The following WSCD2 variants were observed in gnomAD, a reference collection of about 807,000 sequenced individuals.
The protein encoded by WSCD2 is sialate:O-sulfotransferase 2.
WSCD2 carries 28 observed loss-of-function variants against 55.7 expected under a neutral mutation model. The ratio of observed to expected loss-of-function variants is 0.50; its 90% CI spans 0.37 to 0.69. The LOEUF is 0.69. WSCD2 is among the 30% of genes least tolerant of loss of function. The pLI, the probability that WSCD2 is intolerant of heterozygous loss-of-function variation, is 0.00. For synonymous variants in WSCD2, 301 were observed against 301.9 expected (o/e 1.00, Z 0.03); for missense variants, 616 against 762.1 (o/e 0.81, Z 2.26).
intron 1 of WSCD2, among the ~76,000 whole-genome samples, chr12:108,185,463 C>G (rs1304154347): frequency 6.6e-6 from 1 of 152,158 alleles, no homozygotes; most frequent in Non-Finnish European, 1.5e-5. Flanking sequence ...CAGATCTCAG[C>G]TCAAATGCCT....
chr12:108,220,436 G>T (rs1046076844), intron 4 of WSCD2, among the ~76,000 whole-genome samples: 1 of 152,210 alleles, frequency 6.6e-6, no homozygotes, highest in African/African-American at 2.4e-5. Flanking sequence ...CAGGGTGAAT[G>T]GGAGAGTTCA....
intron 1 of WSCD2, among the ~76,000 whole-genome samples, chr12:108,165,661 G>A (rs1314963391): frequency 6.6e-6 from 1 of 152,178 alleles, no homozygotes; most frequent in Non-Finnish European, 1.5e-5. Context: ...TTGAGTGTGA[G>A]GTGGAGACAT....
intron 1 of WSCD2, among the ~76,000 whole-genome samples, chr12:108,179,218 C>T (rs1485849002): frequency 6.7e-6 from 1 of 149,960 alleles, no homozygotes; most frequent in Non-Finnish European, 1.5e-5. Flanking sequence ...TGCACGTTTT[C>T]AGGCTCCACG....
intron 1 of WSCD2, among the ~76,000 whole-genome samples, chr12:108,137,243 C>G (rs904029704): frequency 2.0e-5 from 3 of 152,224 alleles, no homozygotes; most frequent in African/African-American, 4.8e-5. Context: ...TCACATAGCT[C>G]TTAGGTGTAT....
At chr12:108,158,537 A>G (rs1878752735) in intron 1 of WSCD2, among the ~76,000 whole-genome samples, 1 of 152,106 alleles carries the variant, frequency 6.6e-6, no homozygotes, top group African/African-American at 2.4e-5. Context: ...CCTAGATGCA[A>G]GGCCCAAAAC....
At chr12:108,247,772 G>A (rs1478493351) in intron 8 of WSCD2, among the ~76,000 whole-genome samples, 2 of 152,186 alleles carry the variant, frequency 1.3e-5, no homozygotes, top group Non-Finnish European at 2.9e-5. Context: ...GCCCAGGCTG[G>A]TCTTTAACTC....
At chr12:108,212,676 TATA>T (rs1416457404) in intron 4 of WSCD2, among the ~76,000 whole-genome samples, 1 of 151,966 alleles carries the variant, frequency 6.6e-6, no homozygotes. Context: ...CCTTGTATTA[TATA>T]ATAACACTTT....
At chr12:108,206,493 T>G (rs1885391910) in intron 3 of WSCD2, 90 bp downstream of exon 3, 2 of 1,309,664 alleles carry the variant, frequency 1.5e-6, no homozygotes, top group Non-Finnish European at 2.2e-6. Context: ...TATGGGAGGG[T>G]GTGTTGAAGG....
intron 1 of WSCD2, among the ~76,000 whole-genome samples, chr12:108,165,983 G>A (rs1220568386): frequency 6.6e-6 from 1 of 152,158 alleles, no homozygotes; most frequent in Non-Finnish European, 1.5e-5. Flanking sequence ...ACCAAACTGA[G>A]ATTTTTTATT....
intron 1 of WSCD2, among the ~76,000 whole-genome samples, chr12:108,192,369 A>T (rs1173277580): frequency 6.6e-6 from 1 of 152,206 alleles, no homozygotes; most frequent in Admixed American, 6.5e-5. Flanking sequence ...TGGAAGAGGC[A>T]GGATTTGAAC....
At chr12:108,179,933 C>A (rs938784555) in intron 1 of WSCD2, among the ~76,000 whole-genome samples, 22 of 151,480 alleles carry the variant, frequency 1.5e-4, no homozygotes, top group African/African-American at 5.3e-4. Flanking sequence ...ATCCCAGCTA[C>A]TTGGGAGGCT....
chr12:108,147,985 A>G (rs1877579711), intron 1 of WSCD2, among the ~76,000 whole-genome samples: 2 of 152,142 alleles, frequency 1.3e-5, no homozygotes, highest in Admixed American at 1.3e-4. Flanking sequence ...CTCTTCTACC[A>G]CAGCTCTGTC....
intron 2 of WSCD2, 80 bp from the exon 3 acceptor site, chr12:108,206,209 G>A: frequency 8.6e-7 from 1 of 1,161,742 alleles, no homozygotes; most frequent in Non-Finnish European, 1.3e-6. Flanking sequence ...CACATAACCA[G>A]AGACACATTG....
At chr12:108,229,484 C>T (rs558442724) in intron 6 of WSCD2, among the ~76,000 whole-genome samples, 2 of 152,268 alleles carry the variant, frequency 1.3e-5, no homozygotes, top group East Asian at 3.9e-4. Flanking sequence ...CCTAGCTTCT[C>T]AAAATACATT....
chr12:108,244,971 A>T (rs1329156580), intron 8 of WSCD2, among the ~76,000 whole-genome samples: 1 of 152,090 alleles, frequency 6.6e-6, no homozygotes, highest in Non-Finnish European at 1.5e-5. Context: ...TATGTACCAC[A>T]TTTTCTTTAT....
chr12:108,212,885 C>T (rs973737613), intron 4 of WSCD2, among the ~76,000 whole-genome samples: 1 of 152,268 alleles, frequency 6.6e-6, no homozygotes, highest in South Asian at 2.1e-4. Flanking sequence ...AGTCCATCAC[C>T]GTTGTTCCGA....
At chr12:108,134,413 C>A (rs189744640) in intron 1 of WSCD2, among the ~76,000 whole-genome samples, 1 of 152,168 alleles carries the variant, frequency 6.6e-6, no homozygotes, top group South Asian at 2.1e-4. Context: ...CCTTAGGGAA[C>A]CTTGTGTGTT....
At chr12:108,141,373 C>T (rs191654955) in intron 1 of WSCD2, among the ~76,000 whole-genome samples, 1 of 152,286 alleles carries the variant, frequency 6.6e-6, no homozygotes, top group African/African-American at 2.4e-5. Context: ...GTAGCTGGGA[C>T]TACAGATGGC....
At chr12:108,183,399 G>C (rs1197313223) in intron 1 of WSCD2, among the ~76,000 whole-genome samples, 1 of 152,142 alleles carries the variant, frequency 6.6e-6, no homozygotes, top group Non-Finnish European at 1.5e-5. Flanking sequence ...ATGTGCTGGG[G>C]GTGAGGGGGA....
Sources: gnomAD v4.1 joint callset for allele counts (sites outside exome capture counted in the v4.1 genomes callset) on GRCh38, gnomAD v4.1.1 for gene constraint, MANE v1.5 for transcripts, NCBI Gene and HGNC (gene_info 2026-07-23, HGNC 2026-07-21) for gene names.